Variants in LDB2 observed in about 807,000 individuals in gnomAD.
LDB2 encodes LIM domain binding 2, also known as LIM domain-binding protein 2.
LDB2 carries 12 observed loss-of-function variants against 44.3 expected under a neutral mutation model. The observed-to-expected ratio is 0.27, with a 90% CI of 0.17 to 0.44. LDB2 has a LOEUF of 0.44. Among genes scored for constraint, LDB2 ranks in the 20% least tolerant of loss-of-function variants. LDB2 has a pLI of 1.00. For synonymous variants in LDB2, 164 were observed against 174.8 expected, an observed-to-expected ratio of 0.94 and a Z score of 0.49; for missense variants, 344 against 473.5, an observed-to-expected ratio of 0.73 and a Z score of 2.54.
chr4:16,850,578 A>T (rs1049883239), intron 1 of LDB2, among the ~76,000 whole-genome samples: 6 of 152,200 alleles, frequency 3.9e-5, no homozygotes, highest in Non-Finnish European at 2.9e-5. Context: ...TCTAAGAATT[A>T]AAAAGTAACC....
chr4:16,753,257 G>C (rs1245389801), intron 2 of LDB2, among the ~76,000 whole-genome samples: 1 of 152,182 alleles, frequency 6.6e-6, no homozygotes, highest in East Asian at 1.9e-4. Context: ...TATATAGCAA[G>C]CACAGTACAA....
rs180899417 is a variant in LDB2, at chr4:16,582,851, C to T, written c.615+3071G>A. Among the ~76,000 whole-genome samples, 160 of 152,220 alleles carry T rather than the reference C, an allele frequency of 1.1e-3. No homozygotes were observed. Among genetic ancestry groups the T allele is most frequent in the Non-Finnish European group, 2.0e-3 (139 of 68,012 alleles). On this transcript the variant is annotated intron_variant, in intron 5 of 7. Coordinates refer to ENST00000304523, the MANE Select transcript of LDB2 (RefSeq NM_001290.5). This position sits in a 1 kb window ranked among gnomAD's most constrained non-coding sequence, Gnocchi z 4.8. ...TCAGCCATCATCGTACCTCTTAGCTCGGGGCACCTCTAACCTTGTCATGCT... is the reference window on the plus strand; with the variant it reads ...TCAGCCATCATCGTACCTCTTAGCTTGGGGCACCTCTAACCTTGTCATGCT...
chr4:16,579,507 G>C (rs1416131551), intron 5 of LDB2, among the ~76,000 whole-genome samples: 1 of 152,238 alleles, frequency 6.6e-6, no homozygotes, highest in East Asian at 1.9e-4. Flanking sequence ...TACTGATTTA[G>C]AGCAAGTAGA....
intron 2 of LDB2, among the ~76,000 whole-genome samples, chr4:16,681,109 TG>T (rs1747717022): frequency 6.6e-6 from 1 of 152,194 alleles, no homozygotes; most frequent in African/African-American, 2.4e-5. Flanking sequence ...TGGAAATTTT[TG>T]AAGTGGGAAA....
At chr4:16,795,530 C>T (rs1776577985) in intron 1 of LDB2, among the ~76,000 whole-genome samples, 1 of 152,132 alleles carries the variant, frequency 6.6e-6, no homozygotes. Context: ...GAGAGAGATA[C>T]TTCCTTAACA....
chr4:16,519,628 A>G (rs984277814), intron 5 of LDB2, among the ~76,000 whole-genome samples: 1 of 148,892 alleles, frequency 6.7e-6, no homozygotes, highest in Non-Finnish European at 1.5e-5. Flanking sequence ...ACAGAGAGGT[A>G]GGTGATGCAG....
intron 1 of LDB2, among the ~76,000 whole-genome samples, chr4:16,890,590 G>A (rs528609167): frequency 4.8e-4 from 73 of 152,272 alleles, no homozygotes; most frequent in African/African-American, 1.7e-3. Flanking sequence ...TGGGCAGCTG[G>A]GAGGCAACAT....
Position 16,781,804 on chromosome 4 carries a change from C to G in LDB2, c.133-22544G>C, listed in dbSNP as rs142713978. Among the ~76,000 whole-genome samples, 89 of 152,200 alleles carry G rather than the reference C, an allele frequency of 5.8e-4. 1 individual carries two copies. Among genetic ancestry groups the G allele is most frequent in the African/African-American group, 1.9e-3 (78 of 41,520 alleles). On this transcript the variant is annotated intron_variant, in intron 1 of 7. Transcript: ENST00000304523. The stretch of plus-strand genomic sequence containing the variant: ...TTAATAGGTTAAGATAAGGGTGGTT[C>G]CTAATTCAATGACTGGTGTCCTTAA...
chr4:16,633,219 T>C (rs536651297), intron 2 of LDB2, among the ~76,000 whole-genome samples: 34 of 152,068 alleles, frequency 2.2e-4, no homozygotes, highest in African/African-American at 7.5e-4. Context: ...TTCTCACTCA[T>C]AGGTGGGAAT....
intron 5 of LDB2, among the ~76,000 whole-genome samples, chr4:16,576,191 C>T (rs77910463): frequency 0.022 from 3,312 of 152,008 alleles, 113 homozygotes; most frequent in African/African-American, 0.075. Context: ...ACTAGAAAAA[C>T]GAGAGCAAAC....
rs748552437 is a variant in LDB2, at chr4:16,595,697, C to T, written c.408+6G>A. On this transcript the variant is annotated splice_donor_region_variant and intron_variant, in intron 3 of 7. Coordinates refer to ENST00000304523, the MANE Select transcript of LDB2 (RefSeq NM_001290.5). ...AGCCGGGCATGTGACAGAGCCTGTC[C>T]TGTACCTTGGTAAACATGGGCTTCC... 7.4e-6 allele frequency: 12 copies of T among 1,612,384 alleles called. No individual in the cohort carries two copies. Among genetic ancestry groups the T allele is most frequent in the Non-Finnish European group, 3.4e-6 (4 of 1,179,414 alleles).
chr4:16,599,269 A>G (rs1029991895), intron 2 of LDB2, among the ~76,000 whole-genome samples: 4 of 152,116 alleles, frequency 2.6e-5, no homozygotes, highest in African/African-American at 7.2e-5. Context: ...GGGAGAATCT[A>G]TCTTCTTGTT....
intron 1 of LDB2, among the ~76,000 whole-genome samples, chr4:16,875,484 A>G (rs1384185405): frequency 5.3e-5 from 8 of 152,118 alleles, no homozygotes. Flanking sequence ...GAAAAAGAAA[A>G]CTTATGATCA....
intron 5 of LDB2, among the ~76,000 whole-genome samples, chr4:16,547,674 C>T (rs1577577104): frequency 6.6e-6 from 1 of 152,140 alleles, no homozygotes; most frequent in African/African-American, 2.4e-5. Flanking sequence ...AACCTAGACC[C>T]TAATTATAGA....
chr4:16,799,334 G>A (rs1394221189), intron 1 of LDB2, among the ~76,000 whole-genome samples: 2 of 152,210 alleles, frequency 1.3e-5, no homozygotes, highest in Non-Finnish European at 2.9e-5. Flanking sequence ...GCACCTGCTG[G>A]CCTCAAACAG....
intron 5 of LDB2, among the ~76,000 whole-genome samples, chr4:16,563,694 G>A (rs568940861): frequency 5.3e-5 from 8 of 150,186 alleles, no homozygotes; most frequent in South Asian, 2.1e-4. Context: ...TCCTGACCTC[G>A]TGATCTGCCC....
At chr4:16,853,563 G>A (rs1788716380) in intron 1 of LDB2, among the ~76,000 whole-genome samples, 1 of 152,168 alleles carries the variant, frequency 6.6e-6, no homozygotes, top group Non-Finnish European at 1.5e-5. Context: ...CGGAAAACAG[G>A]ATGGAGGTTT....
At chr4:16,627,279 G>A (rs962562749) in intron 2 of LDB2, among the ~76,000 whole-genome samples, 7 of 152,168 alleles carry the variant, frequency 4.6e-5, no homozygotes, top group African/African-American at 1.4e-4. Flanking sequence ...CTATAAATGT[G>A]TGTGGTAATT....
At chr4:16,564,456 G>T (rs578230871) in intron 5 of LDB2, among the ~76,000 whole-genome samples, 53 of 152,296 alleles carry the variant, frequency 3.5e-4, no homozygotes, top group African/African-American at 1.2e-3. Context: ...TATTCTTCCT[G>T]TCCGTATTCA....
Sources: gnomAD v4.1 joint callset for allele counts (sites outside exome capture counted in the v4.1 genomes callset) on GRCh38, gnomAD v4.1.1 for gene constraint, Gnocchi (gnomAD v3.1) non-coding constraint, MANE v1.5 for transcripts, NCBI Gene and HGNC (gene_info 2026-07-23, HGNC 2026-07-21) for gene names.